Variants in ZDHHC8 observed in about 807,000 individuals in gnomAD.
ZDHHC8 encodes palmitoyltransferase ZDHHC8.
In ZDHHC8, 24 loss-of-function variants were observed where a neutral mutation model predicts 61.2. The observed-to-expected ratio is 0.39, with a 90% confidence interval of 0.28 to 0.55. The LOEUF (loss-of-function observed/expected upper bound fraction) is 0.55. Ranked by LOEUF, ZDHHC8 falls within the 20% of genes least tolerant of loss-of-function variation. ZDHHC8 has a pLI of 0.60. For synonymous variants in ZDHHC8, 523 were observed against 492.5 expected (o/e 1.06, Z -0.82); for missense variants, 935 against 1,102.1 (o/e 0.85, Z 2.15).
rs2050515854 is a variant in ZDHHC8, at chr22:20,145,685, C to G, written c.*285C>G. 1 of 1,071,020 alleles carries G rather than the reference C, an allele frequency of 9.3e-7. No individual in the cohort carries two copies. Among genetic ancestry groups the G allele is most frequent in the Non-Finnish European group, 1.1e-6 (1 of 885,020 alleles). The allele number at this position is 1,071,020 out of a possible 1,614,324, so 66.3% of individuals were successfully genotyped here. On this transcript the variant is annotated 3_prime_UTR_variant, in exon 11 of 11. Transcript: ENST00000334554. The stretch of plus-strand genomic sequence containing the variant: ...GGGGCAGTGAGGGGGCCCAGTCAGC[C>G]TCTTTGGGGCACCCTCTCTCAGCCA...
chr22:20,140,934 TG>T lies in ZDHHC8; in HGVS notation c.817del (p.Glu273AsnfsTer18). ...VSLKPPFLRPELLDRAAPLKV... is the reference protein window; with the variant it reads ...VSLKPPFLRPXLLDRAAPLKV... ...GTTTGAAGCCGCCTTTCCTTAGGCCTGAACTCCTGGACCGAGCTGCACCGCT... is the reference window on the plus strand; with the variant it reads ...GTTTGAAGCCGCCTTTCCTTAGGCCTAACTCCTGGACCGAGCTGCACCGCT... On this transcript the variant is annotated frameshift_variant, in exon 7 of 11. Transcript: ENST00000334554. LOFTEE classifies it high-confidence loss of function. The T allele has an allele frequency of 6.2e-7, 1 of 1,609,390 alleles. No individual in the cohort carries two copies.
Position 20,147,331 on chromosome 22 carries a change from G to A in ZDHHC8, c.*1931G>A. On this transcript the variant is annotated 3_prime_UTR_variant, in exon 11 of 11. Coordinates refer to ENST00000334554, the MANE Select transcript of ZDHHC8 (RefSeq NM_013373.4). ...CCTGGGGCAGGGCTGGGGGTGGGCT[G>A]GGCTCTCTGCTCCACCAGCCACAGC... 1 of 1,216,086 alleles carries A rather than the reference G, an allele frequency of 8.2e-7. No individual in the cohort carries two copies. Among genetic ancestry groups the A allele is most frequent in the East Asian group, 3.1e-5 (1 of 32,292 alleles). 75.3% of individuals were successfully genotyped at this position (1,216,086 alleles called of 1,614,324 possible). A position where few individuals can be genotyped will look rare whatever the true frequency, so the allele number is the denominator to read the frequency against.
In ZDHHC8 at chr22:20,143,026, G is replaced by A; in HGVS notation, c.1396G>A (p.Ala466Thr). The stretch of plus-strand genomic sequence containing the variant: ...CCCCACGCCCCACCGTAGCATTTTT[G>A]CCCCCCATGCACTGCCCAACCGCAA... ...GPPTPHRSIF[A>T]PHALPNRNGS... is the part of the protein sequence containing the mutation. The change falls in exon 10 of 11, where the codon GCC becomes ACC. Residue 466 changes from alanine (A) to threonine (T), a missense_variant. Around this residue, in one of 3 missense-constraint regions of ZDHHC8, gnomAD observed 692 missense variants for 731.4 expected, o/e 0.95. Transcript: ENST00000334554. 1 of 1,612,016 alleles carries A rather than the reference G, an allele frequency of 6.2e-7. No homozygotes were observed. Among genetic ancestry groups the A allele is most frequent in the Admixed American group, 1.7e-5 (1 of 59,894 alleles).
At chr22:20,136,514 G>T (rs925879274) in intron 1 of ZDHHC8, among the ~76,000 whole-genome samples, 1 of 152,198 alleles carries the variant, frequency 6.6e-6, no homozygotes, top group South Asian at 2.1e-4. Context: ...TGGGAGGGCC[G>T]TGTCTGAGGC....
rs745744754 is a variant in ZDHHC8 at position 20,140,201 on chromosome 22, G to A, written c.644G>A (p.Arg215His). The change falls in exon 5 of 11, where the codon CGC becomes CAC. Residue 215 changes from arginine (R) to histidine (H), a missense_variant. By Grantham distance (29) the Arg-to-His change is conservative (BLOSUM62 0). Around this residue, in one of 3 missense-constraint regions of ZDHHC8, gnomAD observed 199 missense variants for 334.0 expected, o/e 0.60. Transcript: ENST00000334554. ...CATGTGGTGCTGGTCACTCGGGGGC[G>A]CACCACCAACGAGCAGGTGCAGACC... is the stretch of plus-strand genomic sequence containing the variant. ...GFHVVLVTRGRTTNEQVTGKF... is the reference protein window; with the variant it reads ...GFHVVLVTRGHTTNEQVTGKF... 11 of 1,612,616 alleles carry A rather than the reference G, an allele frequency of 6.8e-6. No individual in the cohort carries two copies. Among genetic ancestry groups the A allele is most frequent in the South Asian group, 3.3e-5 (3 of 91,066 alleles).
rs1411416141 is a variant in ZDHHC8 at position 20,145,672 on chromosome 22, G to A, written c.*272G>A. The A allele has an allele frequency of 1.8e-6, 2 of 1,097,980 alleles. No homozygotes were observed. The highest frequency in any genetic ancestry group is 5.2e-5 in the Admixed American group (1 of 19,354). 68.0% of individuals were successfully genotyped at this position (1,097,980 alleles called of 1,614,324 possible). A position where few individuals can be genotyped will look rare whatever the true frequency, so the allele number is the denominator to read the frequency against. ...CTGTCCCATGGCTGGGGCAGTGAGGGGGCCCAGTCAGCCTCTTTGGGGCAC... is the reference window on the plus strand; with the variant it reads ...CTGTCCCATGGCTGGGGCAGTGAGGAGGCCCAGTCAGCCTCTTTGGGGCAC... On this transcript the variant is annotated 3_prime_UTR_variant, in exon 11 of 11. Transcript: ENST00000334554.
At chr22:20,142,668 G>A (rs1602573875) in intron 9 of ZDHHC8, 88 bp from the exon 10 acceptor site, 10 of 1,556,574 alleles carry the variant, frequency 6.4e-6, no homozygotes, top group South Asian at 3.5e-5. Flanking sequence ...CTGAGGCCAC[G>A]GTGCCATGTG....
chr22:20,134,195 C>T (rs548782298), intron 1 of ZDHHC8, among the ~76,000 whole-genome samples: 13 of 152,352 alleles, frequency 8.5e-5, no homozygotes, highest in African/African-American at 2.4e-4. Flanking sequence ...CCTGGGTGCT[C>T]ACCTGGGTTT....
In ZDHHC8 at chr22:20,147,214, A is replaced by G; in HGVS notation, c.*1814A>G. On this transcript the variant is annotated 3_prime_UTR_variant, in exon 11 of 11. Transcript: ENST00000334554. ...CTTGGCTGCCTCCAGTCTTTTCCCC[A>G]GCCTCTCGGGGCCCTAGCAGGATGA... 1 of 1,489,510 alleles carries G rather than the reference A, an allele frequency of 6.7e-7. No homozygotes were observed. Among genetic ancestry groups the G allele is most frequent in the Admixed American group, 2.3e-5 (1 of 42,880 alleles). 92.3% of individuals were successfully genotyped at this position (1,489,510 alleles called of 1,614,324 possible). A position where few individuals can be genotyped will look rare whatever the true frequency, so the allele number is the denominator to read the frequency against.
In ZDHHC8 at chr22:20,140,483, C is replaced by A. The variant is rs931849637; in HGVS notation, c.661-134C>A. 8.0e-6 allele frequency: 8 copies of A among 1,003,716 alleles called. No homozygotes were observed. In the African/African-American group the frequency reaches 9.8e-5, roughly 12 times the overall value. The allele number at this position is 1,003,716 out of a possible 1,614,324, so 62.2% of individuals were successfully genotyped here. A position where few individuals can be genotyped will look rare whatever the true frequency, so the allele number is the denominator to read the frequency against. On this transcript the variant is annotated intron_variant, in intron 5 of 10. Transcript: ENST00000334554. ...CTGGGTAACCTATGTGAGGGGCAGC[C>A]CTGGGCTGATCCCACCTAAGCCACT...
At chr22:20,135,909 A>C (rs2050415843) in intron 1 of ZDHHC8, among the ~76,000 whole-genome samples, 1 of 152,276 alleles carries the variant, frequency 6.6e-6, no homozygotes, top group Non-Finnish European at 1.5e-5. Flanking sequence ...ACCTGATTTA[A>C]ATGAAAACGT....
At position 20,139,621 on chromosome 22, in the gene ZDHHC8, G is replaced by A. The variant is rs772153222; in HGVS notation, c.370G>A (p.Asp124Asn). The A allele has an allele frequency of 1.6e-5, 26 of 1,612,958 alleles. No homozygotes were observed. Residue 124 changes from aspartate (D) to asparagine (N), a missense_variant, in exon 3 of 11, where the codon GAC becomes AAC. By Grantham distance (23) the Asp-to-Asn change is conservative. Transcript: ENST00000334554. ...GCGCTGCTCCCACTGCAGCGTCTGT[G>A]ACAACTGTGTAGAGGTGACCGCCCT... is the stretch of plus-strand genomic sequence containing the variant. ...PPRCSHCSVC[D>N]NCVEDFDHHC... is the part of the protein sequence containing the mutation.
At chr22:20,144,108 C>G (rs559349149) in intron 10 of ZDHHC8, among the ~76,000 whole-genome samples, 7 of 152,300 alleles carry the variant, frequency 4.6e-5, no homozygotes, top group African/African-American at 1.7e-4. Flanking sequence ...GGCTGTGGCT[C>G]TGGCTTCCTG....
intron 1 of ZDHHC8, among the ~76,000 whole-genome samples, chr22:20,133,439 A>AT (rs1568990378): frequency 2.6e-5 from 4 of 152,142 alleles, no homozygotes; most frequent in Non-Finnish European, 4.4e-5. Context: ...CTTTAAAAGT[A>AT]ATGTGTGGGC....
In ZDHHC8 at chr22:20,140,996, G is replaced by A; in HGVS notation, c.878G>A (p.Gly293Asp). 6.2e-7 allele frequency: 1 copy of A among 1,611,120 alleles called. No individual in the cohort carries two copies. The change falls in exon 7 of 11, where the codon GGC (glycine) becomes GAC (aspartate). Residue 293 changes from glycine to aspartate, a missense_variant. Physicochemically the swap from Gly to Asp is moderately conservative, Grantham distance 94. Coordinates refer to ENST00000334554, the MANE Select transcript of ZDHHC8 (RefSeq NM_013373.4). Reference sequence around the variant, plus strand: ...CTTAGTGACAACGGGCTGAAGGCTGGCCTGGGCCGTAGCAAGGTGGGCGCC... The same window carrying A: ...CTTAGTGACAACGGGCTGAAGGCTGACCTGGGCCGTAGCAAGGTGGGCGCC... ...VKLSDNGLKAGLGRSKSKGSL... is the reference protein window; with the variant it reads ...VKLSDNGLKADLGRSKSKGSL...
chr22:20,143,877 C>T (rs2050498888), intron 10 of ZDHHC8, 121 bp downstream of exon 10: 16 of 1,288,134 alleles, frequency 1.2e-5, no homozygotes, highest in East Asian at 5.1e-5. Context: ...TCTCTGGGGA[C>T]GGGACAGGGA....
In ZDHHC8 at chr22:20,143,751, G is replaced by A. The variant is rs368301713; in HGVS notation, c.2121G>A (p.Val707=). The part of the protein sequence containing the change: ...DLPEPPPSLT[V]QRDHPQLKTP... ...CAGAGCCACCGCCCTCGCTGACCGT[G>A]CAGAGGTGGGTGCCGGGAGGTGCGG... Residue 707 remains valine, a synonymous_variant, in exon 10 of 11, where the codon GTG becomes GTA. Coordinates refer to ENST00000334554, the MANE Select transcript of ZDHHC8 (RefSeq NM_013373.4). The A allele has an allele frequency of 1.6e-5, 25 of 1,606,598 alleles. No homozygotes were observed. In the African/African-American group the frequency reaches 1.9e-4, roughly 12 times the overall value.
Position 20,147,884 on chromosome 22 carries a change from T to C in ZDHHC8, c.*2484T>C, listed in dbSNP as rs1490095622. ...CCGTCACAGGGTCCCTGTCCCTGGGTCCACCCTGGGCTGTGGCTCTACATC... is the reference window on the plus strand; with the variant it reads ...CCGTCACAGGGTCCCTGTCCCTGGGCCCACCCTGGGCTGTGGCTCTACATC... On this transcript the variant is annotated 3_prime_UTR_variant, in exon 11 of 11. Transcript: ENST00000334554. 1 of 152,314 alleles carries C rather than the reference T, an allele frequency of 6.6e-6. No homozygotes were observed. Among genetic ancestry groups the C allele is most frequent in the African/African-American group, 2.4e-5 (1 of 41,464 alleles). The allele number at this position is 152,314 out of a possible 1,614,324, so 9.4% of individuals were successfully genotyped here.
intron 1 of ZDHHC8, 86 bp downstream of exon 1, chr22:20,132,137 C>A: frequency 5.6e-6 from 5 of 890,758 alleles, no homozygotes; most frequent in Non-Finnish European, 6.9e-6. Flanking sequence ...GTCGCGGGGG[C>A]TGGCGGGGCC....
Sources: gnomAD v4.1 joint callset for allele counts (sites outside exome capture counted in the v4.1 genomes callset) on GRCh38, gnomAD v4.1.1 for gene constraint, gnomAD v4.1.1 regional missense constraint, MANE v1.5 for transcripts, NCBI Gene and HGNC (gene_info 2026-07-23, HGNC 2026-07-21) for gene names.